The following CHRDL1 variants were observed in gnomAD, a reference collection of about 807,000 sequenced individuals.
CHRDL1 encodes the protein chordin like 1.
In CHRDL1, 19 loss-of-function variants were observed where a neutral mutation model predicts 40.9. That is an observed-to-expected ratio of 0.46 (90% CI 0.32 to 0.68). The LOEUF (loss-of-function observed/expected upper bound fraction) is 0.68, where lower values mean the gene tolerates loss of function less well. CHRDL1 is among the 30% of genes least tolerant of loss of function. The probability of loss-of-function intolerance (pLI) is 0.03; values close to 1 mark genes in which losing one functional copy is unlikely to be tolerated. For synonymous variants in CHRDL1, 136 were observed against 123.4 expected (o/e 1.10, Z -0.68); for missense variants, 329 against 352.1 (o/e 0.93, Z 0.53).
chrX:110,785,823 G>A (rs1301649495), intron 2 of CHRDL1, among the ~76,000 whole-genome samples: 1 of 111,817 alleles, frequency 8.9e-6, no homozygotes, highest in Non-Finnish European at 1.9e-5. Context: ...AGCTTGCTTA[G>A]GGCATCTGAT....
intron 4 of CHRDL1, among the ~76,000 whole-genome samples, chrX:110,724,892 C>T (rs909949751): frequency 8.9e-5 from 10 of 111,749 alleles, no homozygotes; most frequent in African/African-American, 3.3e-4. Context: ...CATATTTTAC[C>T]TTCTCCTCTC....
rs111508510 is a variant in CHRDL1, at chrX:110,711,171, A to C, written c.541+8664T>G. ...TGTTACTTTTAACGTGTTTTTAAAA[A>C]TTATTTTCTATCTGCAGTTGGTTGA... On this transcript the variant is annotated intron_variant, in intron 6 of 11. Coordinates refer to ENST00000372042, the MANE Select transcript of CHRDL1 (RefSeq NM_001143981.2). Among the ~76,000 whole-genome samples the C allele has an allele frequency of 7.8e-3, 872 of 112,075 alleles. 8 individuals are homozygous for C. Among genetic ancestry groups the C allele is most frequent in the African/African-American group, 0.027 (835 of 30,851 alleles).
intron 4 of CHRDL1, among the ~76,000 whole-genome samples, chrX:110,728,946 T>C (rs2071106634): frequency 8.9e-6 from 1 of 111,787 alleles, no homozygotes; most frequent in African/African-American, 3.3e-5. Flanking sequence ...TCCAGCCTAG[T>C]CAACATGGTG....
In CHRDL1 at chrX:110,692,571, T is replaced by C. The variant is rs373515841; in HGVS notation, c.778+1592A>G. ...ACTTTTAAAAGGCTTTGAAATACTT[T>C]CACAGCAAATGGAATCTATTGGAGG... On this transcript the variant is annotated intron_variant, in intron 8 of 11. Transcript: ENST00000372042. Among the ~76,000 whole-genome samples, 17 of 112,457 alleles carry C rather than the reference T, an allele frequency of 1.5e-4. No individual in the cohort carries two copies. In the East Asian group the frequency reaches 4.7e-3, roughly 31 times the overall value.
chrX:110,712,944 A>G (rs923209866), intron 6 of CHRDL1, among the ~76,000 whole-genome samples: 1 of 108,572 alleles, frequency 9.2e-6, no homozygotes, highest in African/African-American at 3.6e-5. Context: ...TAATGTAGAA[A>G]GAACATTATA....
chrX:110,734,175 G>T (rs1342327147), intron 4 of CHRDL1, among the ~76,000 whole-genome samples: 3 of 111,056 alleles, frequency 2.7e-5, no homozygotes, highest in African/African-American at 9.8e-5. Context: ...GGGTCTGTGG[G>T]TTCAATCAGA....
At chrX:110,739,747 T>G (rs1336178811) in intron 4 of CHRDL1, among the ~76,000 whole-genome samples, 1 of 112,722 alleles carries the variant, frequency 8.9e-6, no homozygotes, top group Non-Finnish European at 1.9e-5. Flanking sequence ...ATGTTTCACT[T>G]TAGCCCATAA....
At chrX:110,769,022 C>T (rs887106090) in intron 2 of CHRDL1, among the ~76,000 whole-genome samples, 2 of 111,926 alleles carry the variant, frequency 1.8e-5, no homozygotes, top group African/African-American at 6.5e-5. Flanking sequence ...CCACAGTTCA[C>T]TTGAGCACAT....
intron 6 of CHRDL1, among the ~76,000 whole-genome samples, chrX:110,702,643 G>A (rs183600716): frequency 3.6e-5 from 4 of 111,962 alleles, no homozygotes; most frequent in Admixed American, 9.5e-5. Flanking sequence ...CTGATACATA[G>A]TAGTCGCTCA....
chrX:110,731,199 C>T (rs1217890068), intron 4 of CHRDL1, among the ~76,000 whole-genome samples: 2 of 111,465 alleles, frequency 1.8e-5, no homozygotes, highest in African/African-American at 6.5e-5. Flanking sequence ...GGTTTAATAT[C>T]TTCACAGTGA....
At chrX:110,792,526 C>G (rs2090119177) in intron 1 of CHRDL1, among the ~76,000 whole-genome samples, 1 of 111,852 alleles carries the variant, frequency 8.9e-6, no homozygotes, top group Non-Finnish European at 1.9e-5. Flanking sequence ...GTTGATTTCT[C>G]AAGAGATTTT....
At chrX:110,793,106 T>A (rs183979075) in intron 1 of CHRDL1, among the ~76,000 whole-genome samples, 8 of 112,401 alleles carry the variant, frequency 7.1e-5, no homozygotes, top group South Asian at 7.4e-4. Context: ...ATTCCTCCAA[T>A]GGGTGATCTG....
At chrX:110,701,943 G>C (rs772396541) in intron 6 of CHRDL1, among the ~76,000 whole-genome samples, 1 of 112,086 alleles carries the variant, frequency 8.9e-6, no homozygotes, top group Non-Finnish European at 1.9e-5. Context: ...AGCAATATTA[G>C]AATCAGGCAG....
rs142251176 is a variant in CHRDL1 at position 110,702,422 on chromosome X, A to T, written c.542-1701T>A. ...GCATCCTGAAGTTTTAGAAGTATAGAGGACGTCAAGCATAACTTTGTCCAA... is the reference window on the plus strand; with the variant it reads ...GCATCCTGAAGTTTTAGAAGTATAGTGGACGTCAAGCATAACTTTGTCCAA... On this transcript the variant is annotated intron_variant, in intron 6 of 11. Transcript: ENST00000372042. 2.2e-4 allele frequency among the ~76,000 whole-genome samples: 25 copies of T among 112,371 alleles called. No homozygotes were observed. In the East Asian group the frequency reaches 6.9e-3, roughly 31 times the overall value.
intron 2 of CHRDL1, among the ~76,000 whole-genome samples, chrX:110,784,150 G>A (rs1439653799): frequency 8.9e-6 from 1 of 111,800 alleles, no homozygotes; most frequent in Non-Finnish European, 1.9e-5. Context: ...TATCAAACTT[G>A]AAGCAGAATG....
intron 2 of CHRDL1, among the ~76,000 whole-genome samples, chrX:110,785,249 G>A (rs1380159611): frequency 2.7e-5 from 3 of 111,770 alleles, no homozygotes; most frequent in Non-Finnish European, 5.6e-5. Flanking sequence ...ATGGGATGTT[G>A]TCTTTACTAC....
At chrX:110,714,471 C>T (rs781539303) in intron 6 of CHRDL1, among the ~76,000 whole-genome samples, 1 of 111,661 alleles carries the variant, frequency 9.0e-6, no homozygotes, top group African/African-American at 3.2e-5. Flanking sequence ...AGGCTATCAT[C>T]CTTAGCAAAC....
At chrX:110,795,411 T>A (rs2090164652) in intron 1 of CHRDL1, among the ~76,000 whole-genome samples, 1 of 111,975 alleles carries the variant, frequency 8.9e-6, no homozygotes, top group Admixed American at 9.4e-5. Flanking sequence ...AGGCAGTGAT[T>A]AAGGGGACTG....
At chrX:110,794,847 C>T (rs1489234596) in intron 1 of CHRDL1, among the ~76,000 whole-genome samples, 1 of 112,152 alleles carries the variant, frequency 8.9e-6, no homozygotes, top group Non-Finnish European at 1.9e-5. Flanking sequence ...ATCTGTGGGA[C>T]AGCCCCTAGG....
Sources: allele counts gnomAD v4.1 joint callset (sites outside exome capture counted in the v4.1 genomes callset), GRCh38; gene constraint gnomAD v4.1.1; transcripts MANE v1.5; gene names NCBI Gene and HGNC (gene_info 2026-07-23, HGNC 2026-07-21).